CNTN5: variants seen among roughly 807,000 people sequenced by gnomAD.
CNTN5 encodes contactin 5.
A neutral mutation model predicts 129.1 loss-of-function variants in CNTN5; 77 were observed. The ratio of observed to expected loss-of-function variants is 0.60; its 90% CI spans 0.50 to 0.72. The LOEUF is 0.72. CNTN5 is among the 30% of genes least tolerant of loss of function. The probability of loss-of-function intolerance (pLI) is 0.00; values close to 1 mark genes in which losing one functional copy is unlikely to be tolerated. For synonymous variants in CNTN5, 509 were observed against 465.6 expected, an observed-to-expected ratio of 1.09 and a Z score of -1.20; for missense variants, 1,478 against 1,328.8, an observed-to-expected ratio of 1.11 and a Z score of -1.75.
chr11:100,320,798 A>G (rs1951675805), intron 21 of CNTN5, among the ~76,000 whole-genome samples: 1 of 152,170 alleles, frequency 6.6e-6, no homozygotes, highest in Non-Finnish European at 1.5e-5. Context: ...TTGCAGAACC[A>G]TTTATTAAAG....
chr11:99,849,052 C>A (rs566105271), intron 6 of CNTN5, among the ~76,000 whole-genome samples: 1 of 152,070 alleles, frequency 6.6e-6, no homozygotes, highest in South Asian at 2.1e-4. Flanking sequence ...GTTTAATAAA[C>A]GTAGGATGGG....
intron 2 of CNTN5, among the ~76,000 whole-genome samples, chr11:99,468,478 C>A (rs1945032749): frequency 6.6e-6 from 1 of 152,172 alleles, no homozygotes. Flanking sequence ...TGTTGTACTT[C>A]AACAATGTGA....
At chr11:99,416,538 A>G (rs1376923685) in intron 2 of CNTN5, among the ~76,000 whole-genome samples, 1 of 152,140 alleles carries the variant, frequency 6.6e-6, no homozygotes, top group Non-Finnish European at 1.5e-5. Context: ...CCTCCTGCTT[A>G]ATCTCCCAAA....
At chr11:99,926,132 T>G (rs1385262049) in intron 7 of CNTN5, among the ~76,000 whole-genome samples, 2 of 152,200 alleles carry the variant, frequency 1.3e-5, no homozygotes, top group African/African-American at 4.8e-5. Flanking sequence ...AAATTAACTT[T>G]GTCTTGATAA....
chr11:99,252,057 G>T (rs773269524), intron 1 of CNTN5, among the ~76,000 whole-genome samples: 1 of 151,684 alleles, frequency 6.6e-6, no homozygotes, highest in African/African-American at 2.4e-5. Flanking sequence ...AGTCTTCCTT[G>T]ACTTCTGAGA....
At chr11:99,908,546 G>A (rs755506352) in intron 6 of CNTN5, among the ~76,000 whole-genome samples, 8 of 151,784 alleles carry the variant, frequency 5.3e-5, no homozygotes, top group Non-Finnish European at 1.2e-4. Flanking sequence ...AAACAAATTA[G>A]GATTATTATA....
chr11:99,084,649 TTTTC>T (rs1350268544), intron 1 of CNTN5, among the ~76,000 whole-genome samples: 3 of 152,192 alleles, frequency 2.0e-5, no homozygotes, highest in African/African-American at 7.2e-5. Flanking sequence ...GAATTTACCT[TTTTC>T]TTCAACTGTC....
At chr11:99,638,258 G>A (rs576493421) in intron 3 of CNTN5, among the ~76,000 whole-genome samples, 5 of 152,128 alleles carry the variant, frequency 3.3e-5, no homozygotes, top group Non-Finnish European at 5.9e-5. Context: ...AGACTAGCAC[G>A]GGAAAGACCA....
At chr11:100,218,013 C>T (rs1273127863) in intron 15 of CNTN5, among the ~76,000 whole-genome samples, 2 of 152,198 alleles carry the variant, frequency 1.3e-5, no homozygotes, top group African/African-American at 2.4e-5. Context: ...GAGTCCTCAC[C>T]TCCATTCTTT....
chr11:99,323,726 G>A (rs1223228363), intron 1 of CNTN5, among the ~76,000 whole-genome samples: 2 of 152,132 alleles, frequency 1.3e-5, no homozygotes, highest in East Asian at 3.9e-4. Flanking sequence ...AAATGAAGAT[G>A]TGCTGTTTGC....
intron 2 of CNTN5, among the ~76,000 whole-genome samples, chr11:99,376,149 T>A (rs890052976): frequency 6.6e-6 from 1 of 152,212 alleles, no homozygotes; most frequent in African/African-American, 2.4e-5. Flanking sequence ...AGTTATAATT[T>A]GGATATTGCA....
rs546682580 is a variant in CNTN5, at chr11:100,008,761, G to A, written c.980+6625G>A. On this transcript the variant is annotated intron_variant, in intron 9 of 24. Transcript: ENST00000524871. ...TAAACTAAGACTTAACAACCTAACAGCAAATTTTCTTCTTTTGAACTCTCT... is the reference window on the plus strand; with the variant it reads ...TAAACTAAGACTTAACAACCTAACAACAAATTTTCTTCTTTTGAACTCTCT... 2.6e-5 allele frequency among the ~76,000 whole-genome samples: 4 copies of A among 152,118 alleles called. No homozygotes were observed. The East Asian group carries it at 7.7e-4, about 29-fold the overall frequency.
intron 13 of CNTN5, among the ~76,000 whole-genome samples, chr11:100,117,752 A>C (rs1945886832): frequency 6.6e-6 from 1 of 151,838 alleles, no homozygotes; most frequent in African/African-American, 2.4e-5. Context: ...TTTGTAAAGA[A>C]TGGCATTCTA....
At chr11:100,150,453 T>G (rs1304966837) in intron 13 of CNTN5, among the ~76,000 whole-genome samples, 1 of 152,110 alleles carries the variant, frequency 6.6e-6, no homozygotes, top group Non-Finnish European at 1.5e-5. Flanking sequence ...TTGAAAGAAT[T>G]TTATTTTTGA....
chr11:99,555,735 G>T (rs181125950), intron 2 of CNTN5, among the ~76,000 whole-genome samples: 1 of 151,746 alleles, frequency 6.6e-6, no homozygotes, highest in African/African-American at 2.4e-5. Flanking sequence ...TTGGCCAACC[G>T]ATCATTAGTT....
chr11:99,047,722 A>G (rs530700154), intron 1 of CNTN5, among the ~76,000 whole-genome samples: 1 of 152,224 alleles, frequency 6.6e-6, no homozygotes, highest in Non-Finnish European at 1.5e-5. Flanking sequence ...AAATGCCTAA[A>G]TTAACACCTC....
intron 1 of CNTN5, among the ~76,000 whole-genome samples, chr11:99,316,848 A>G (rs1296729592): frequency 6.6e-6 from 1 of 152,138 alleles, no homozygotes; most frequent in African/African-American, 2.4e-5. Context: ...CGAGCCGTGT[A>G]TAAAGAAATG....
At chr11:99,714,671 T>G (rs1250514599) in intron 3 of CNTN5, among the ~76,000 whole-genome samples, 1 of 151,920 alleles carries the variant, frequency 6.6e-6, no homozygotes, top group East Asian at 1.9e-4. Context: ...GCGAATAGCC[T>G]AAGGTCACAC....
At chr11:99,437,505 T>A (rs1464039118) in intron 2 of CNTN5, among the ~76,000 whole-genome samples, 1 of 152,222 alleles carries the variant, frequency 6.6e-6, no homozygotes, top group African/African-American at 2.4e-5. Context: ...TCTTTTTCGT[T>A]TTTAAGCTAG....
Sources: allele counts gnomAD v4.1 joint callset (sites outside exome capture counted in the v4.1 genomes callset), GRCh38; gene constraint gnomAD v4.1.1; transcripts MANE v1.5; gene names NCBI Gene and HGNC (gene_info 2026-07-23, HGNC 2026-07-21).